PHLDB2: variants seen among roughly 807,000 people sequenced by gnomAD.
PHLDB2 encodes the protein pleckstrin homology like domain family B member 2.
In PHLDB2, 71 loss-of-function variants were observed where a neutral mutation model predicts 123.6. That is an observed-to-expected ratio of 0.57 (90% confidence interval 0.47 to 0.70). The LOEUF (loss-of-function observed/expected upper bound fraction) is 0.70, where lower values mean the gene tolerates loss of function less well. Ranked by LOEUF, PHLDB2 falls within the 30% of genes least tolerant of loss-of-function variation. The pLI, the probability that PHLDB2 is intolerant of heterozygous loss-of-function variation, is 0.00. For synonymous variants in PHLDB2, 547 were observed against 541.6 expected, an observed-to-expected ratio of 1.01 and a Z score of -0.14; for missense variants, 1,446 against 1,519.5, an observed-to-expected ratio of 0.95 and a Z score of 0.80.
chr3:111,916,551 A>C (rs562390396), intron 3 of PHLDB2: 1 of 152,178 alleles, frequency 6.6e-6, no homozygotes, highest in Non-Finnish European at 1.5e-5. Context: ...TGACTTAACT[A>C]TACAGAACAA....
At chr3:111,739,122 CT>C (rs1191103249) in intron 1 of PHLDB2, among the ~76,000 whole-genome samples, 1 of 152,150 alleles carries the variant, frequency 6.6e-6, no homozygotes, top group Non-Finnish European at 1.5e-5. Context: ...TCAGAAAGTT[CT>C]TTACGGAAAA....
chr3:111,931,097 C>T (rs1433619063), intron 5 of PHLDB2, among the ~76,000 whole-genome samples: 1 of 152,122 alleles, frequency 6.6e-6, no homozygotes, highest in Admixed American at 6.5e-5. Flanking sequence ...GAGGAAAATC[C>T]TTAAAAAGAG....
At chr3:111,860,457 C>A (rs575317304) in intron 1 of PHLDB2, among the ~76,000 whole-genome samples, 1 of 152,220 alleles carries the variant, frequency 6.6e-6, no homozygotes, top group African/African-American at 2.4e-5. Context: ...CAGCTCCCTG[C>A]GCGGCGGAGG....
At chr3:111,865,235 C>T (rs1047485781) in intron 1 of PHLDB2, among the ~76,000 whole-genome samples, 1 of 152,158 alleles carries the variant, frequency 6.6e-6, no homozygotes, top group Admixed American at 6.5e-5. Flanking sequence ...AACTGCAAGC[C>T]ATGGGAATGC....
chr3:111,747,506 C>T (rs532571437), intron 1 of PHLDB2, among the ~76,000 whole-genome samples: 65 of 152,258 alleles, frequency 4.3e-4, no homozygotes, highest in African/African-American at 1.5e-3. Context: ...AACTCATCAA[C>T]TGCAGCAATA....
In PHLDB2 at chr3:111,976,312, A is replaced by C. The variant is rs574572764; in HGVS notation, c.*1749A>C. 6.6e-6 allele frequency: 1 copy of C among 152,352 alleles called. No individual in the cohort carries two copies. Among genetic ancestry groups the C allele is most frequent in the African/African-American group, 2.4e-5 (1 of 41,580 alleles). 9.4% of individuals were successfully genotyped at this position (152,352 alleles called of 1,614,324 possible). A position where few individuals can be genotyped will look rare whatever the true frequency, so the allele number is the denominator to read the frequency against. On this transcript the variant is annotated 3_prime_UTR_variant, in exon 18 of 18. Coordinates refer to ENST00000431670, the MANE Select transcript of PHLDB2 (RefSeq NM_001134438.2). ...TTACCTATCTGTAGTATGATGGAGG[A>C]TGAATTAATCGCAAATGACAGTTGT...
At chr3:111,955,927 G>A (rs1462265377) in intron 12 of PHLDB2, among the ~76,000 whole-genome samples, 1 of 152,208 alleles carries the variant, frequency 6.6e-6, no homozygotes, top group African/African-American at 2.4e-5. Flanking sequence ...CTTGCCAGGT[G>A]TGGTGGCTCA....
intron 13 of PHLDB2, 48 bp downstream of exon 13, chr3:111,962,360 T>A: frequency 3.2e-6 from 5 of 1,551,954 alleles, no homozygotes; most frequent in East Asian, 2.2e-5. Context: ...AAGAGCCTAC[T>A]GCTCACAAAA....
At chr3:111,834,908 TA>T (rs1449490519) in intron 1 of PHLDB2, among the ~76,000 whole-genome samples, 1 of 152,136 alleles carries the variant, frequency 6.6e-6, no homozygotes, top group African/African-American at 2.4e-5. Flanking sequence ...CTGGTTTTTA[TA>T]TATCCTTTCT....
chr3:111,863,084 C>T (rs1394358683), intron 1 of PHLDB2, among the ~76,000 whole-genome samples: 5 of 152,110 alleles, frequency 3.3e-5, no homozygotes, highest in Non-Finnish European at 5.9e-5. Context: ...ATAAATGCTT[C>T]GATGGGGGAG....
intron 1 of PHLDB2, chr3:111,845,712 C>A: frequency 7.8e-7 from 1 of 1,275,232 alleles, no homozygotes. Context: ...GTTAGTTTCC[C>A]CGGATGTTAA....
At chr3:111,899,589 A>G (rs879002622) in intron 2 of PHLDB2, among the ~76,000 whole-genome samples, 1 of 152,214 alleles carries the variant, frequency 6.6e-6, no homozygotes, top group South Asian at 2.1e-4. Context: ...TAGATTTAGC[A>G]TAATTCTTAA....
intron 1 of PHLDB2, among the ~76,000 whole-genome samples, chr3:111,736,074 G>T (rs760936518): frequency 1.3e-5 from 2 of 152,130 alleles, no homozygotes; most frequent in Non-Finnish European, 2.9e-5. Context: ...TTGAGTGTAA[G>T]CATAAAACTC....
intron 1 of PHLDB2, among the ~76,000 whole-genome samples, chr3:111,831,132 A>C (rs1457798545): frequency 6.6e-6 from 1 of 152,144 alleles, no homozygotes; most frequent in East Asian, 1.9e-4. Flanking sequence ...ACCTATACTT[A>C]ATCAGAATCT....
intron 1 of PHLDB2, among the ~76,000 whole-genome samples, chr3:111,880,908 A>G (rs1256467043): frequency 6.6e-6 from 1 of 152,034 alleles, no homozygotes; most frequent in Admixed American, 6.5e-5. Context: ...TTTTCGGCCA[A>G]ATCTGTTTCT....
chr3:111,908,309 G>C (rs2067676230), intron 2 of PHLDB2, among the ~76,000 whole-genome samples: 1 of 152,158 alleles, frequency 6.6e-6, no homozygotes. Context: ...TCTTTAGTAG[G>C]ATCCCTGAGT....
chr3:111,932,514 C>A, intron 6 of PHLDB2, 117 bp downstream of exon 6: 1 of 1,061,322 alleles, frequency 9.4e-7, no homozygotes, highest in Non-Finnish European at 1.3e-6. Context: ...AAGTTCTAGT[C>A]ATTAGATACG....
In PHLDB2 at chr3:111,966,500, C is replaced by CGTGT. The variant is rs538320361; in HGVS notation, c.3078-113_3078-112insGTGT. On this transcript the variant is annotated intron_variant, in intron 13 of 17. Coordinates refer to ENST00000431670, the MANE Select transcript of PHLDB2 (RefSeq NM_001134438.2). ...TTTTGTTATGCACCTCCCTTGACCC[C>CGTGT]ATGTGTGTGTGTGTGTGTGTGTCTG... 8.1e-3 allele frequency: 3,792 copies of CGTGT among 467,456 alleles called. 95 individuals are homozygous for CGTGT. The highest frequency in any genetic ancestry group is 0.053 in the African/African-American group (2,363 of 44,442). 29.0% of individuals were successfully genotyped at this position (467,456 alleles called of 1,614,324 possible). A position where few individuals can be genotyped will look rare whatever the true frequency, so the allele number is the denominator to read the frequency against.
chr3:111,953,817 C>T (rs1481264172), intron 11 of PHLDB2, 113 bp from the exon 12 acceptor site: 1 of 747,172 alleles, frequency 1.3e-6, no homozygotes, highest in Non-Finnish European at 2.1e-6. Context: ...CAAAGACTTA[C>T]CTTCTCTGCC....
Sources: gnomAD v4.1 joint callset for allele counts (sites outside exome capture counted in the v4.1 genomes callset) on GRCh38, gnomAD v4.1.1 for gene constraint, MANE v1.5 for transcripts, NCBI Gene and HGNC (gene_info 2026-07-23, HGNC 2026-07-21) for gene names.